RILPL1: variants seen among roughly 807,000 people sequenced by gnomAD.
The protein encoded by RILPL1 is Rab interacting lysosomal protein like 1, also known as RILP-like protein 1.
In RILPL1, 33 loss-of-function variants were observed where a neutral mutation model predicts 50.3. That is an observed-to-expected ratio of 0.66 (90% CI 0.50 to 0.88). The LOEUF is 0.88. Among genes scored for constraint, RILPL1 ranks in the 40% least tolerant of loss-of-function variants. The pLI, the probability that RILPL1 is intolerant of heterozygous loss-of-function variation, is 0.00. For missense variants in RILPL1, 418 were observed against 542.5 expected, an observed-to-expected ratio of 0.77 and a Z score of 2.28; for synonymous variants, 205 against 228.6, an observed-to-expected ratio of 0.90 and a Z score of 0.93.
At chr12:123,479,356 A>G (rs1456496149) in intron 6 of RILPL1, among the ~76,000 whole-genome samples, 1 of 152,116 alleles carries the variant, frequency 6.6e-6, no homozygotes, top group African/African-American at 2.4e-5. Context: ...GGGAAAAACC[A>G]GTTAACAGTG....
At chr12:123,493,672 C>T (rs117058062) in intron 4 of RILPL1, among the ~76,000 whole-genome samples, 1 of 152,148 alleles carries the variant, frequency 6.6e-6, no homozygotes, top group African/African-American at 2.4e-5. Context: ...ACATGCTGCA[C>T]GTTCTCCGGC....
intron 2 of RILPL1, among the ~76,000 whole-genome samples, chr12:123,503,599 C>T (rs931071622): frequency 3.9e-5 from 6 of 152,058 alleles, no homozygotes; most frequent in Non-Finnish European, 7.4e-5. Flanking sequence ...TCTGTGGTCC[C>T]GTGGCCTTCT....
At chr12:123,519,059 AAAAAAAAAAAAAAAAG>A (rs1468835921) in intron 2 of RILPL1, among the ~76,000 whole-genome samples, 1 of 140,530 alleles carries the variant, frequency 7.1e-6, no homozygotes, top group African/African-American at 2.5e-5. Flanking sequence ...TCCATCTCAA[AAAAAAAAAAAAAAAAG>A]AAAAGAAAAA....
chr12:123,518,164 C>T (rs1043895900), intron 2 of RILPL1, among the ~76,000 whole-genome samples: 2 of 152,010 alleles, frequency 1.3e-5, no homozygotes, highest in African/African-American at 4.8e-5. Context: ...GGCGGCTGCA[C>T]AAGACTGTGA....
In RILPL1 at chr12:123,491,250, G is replaced by A. The variant is rs970767502; in HGVS notation, c.802-5445C>T. On this transcript the variant is annotated intron_variant, in intron 4 of 6. Coordinates refer to ENST00000376874, the MANE Select transcript of RILPL1 (RefSeq NM_178314.5). The surrounding 1 kb of genome is among the most constrained non-coding windows in gnomAD (Gnocchi z 4.0). The stretch of plus-strand genomic sequence containing the variant: ...TGGTCCTCCTAGGCTTACTCCATGC[G>A]GGACCGGGAGGTGGCTCGGGTTAGC... Among the ~76,000 whole-genome samples the A allele has an allele frequency of 1.3e-5, 2 of 152,164 alleles. No individual in the cohort carries two copies. Among genetic ancestry groups the A allele is most frequent in the African/African-American group, 2.4e-5 (1 of 41,434 alleles).
At position 123,472,291 on chromosome 12, in the gene RILPL1, A is replaced by G. The variant is rs1219010865; in HGVS notation, c.*247T>C. The G allele has an allele frequency of 4.3e-6, 2 of 464,786 alleles. No homozygotes were observed. Among genetic ancestry groups the G allele is most frequent in the Non-Finnish European group, 7.7e-6 (2 of 259,550 alleles). 28.8% of individuals were successfully genotyped at this position (464,786 alleles called of 1,614,324 possible). On this transcript the variant is annotated 3_prime_UTR_variant, in exon 7 of 7. Coordinates refer to ENST00000376874, the MANE Select transcript of RILPL1 (RefSeq NM_178314.5). Reference sequence around the variant, plus strand: ...GCCTCCGTTTGTGGGATTATTAAATATATATCCTACGGGATCAGAGTCATC... The same window carrying G: ...GCCTCCGTTTGTGGGATTATTAAATGTATATCCTACGGGATCAGAGTCATC...
rs575641646 is a variant in RILPL1 at position 123,518,245 on chromosome 12, T to G, written c.460+5250A>C. The G allele has an allele frequency of 8.9e-6, 3 of 338,774 alleles. No homozygotes were observed. In the Admixed American group the frequency reaches 1.2e-4, roughly 13 times the overall value. The allele number at this position is 338,774 out of a possible 1,614,324, so 21.0% of individuals were successfully genotyped here. On this transcript the variant is annotated intron_variant, in intron 2 of 6. Coordinates refer to ENST00000376874, the MANE Select transcript of RILPL1 (RefSeq NM_178314.5). ...AGGGCCGGGTGCGGTTGCTCACACC[T>G]GTAATCCCAGCACTTTGGGACTCCA...
At chr12:123,480,364 A>C (rs529325265) in intron 6 of RILPL1, among the ~76,000 whole-genome samples, 1 of 151,832 alleles carries the variant, frequency 6.6e-6, no homozygotes, top group Non-Finnish European at 1.5e-5. Flanking sequence ...GGGTTTCACC[A>C]TGTAGGCCAC....
Position 123,485,549 on chromosome 12 carries a change from G to A in RILPL1, c.974+84C>T. The A allele has an allele frequency of 7.8e-7, 1 of 1,285,522 alleles. No homozygotes were observed. Among genetic ancestry groups the A allele is most frequent in the Non-Finnish European group, 1.1e-6 (1 of 918,450 alleles). The allele number at this position is 1,285,522 out of a possible 1,614,324, so 79.6% of individuals were successfully genotyped here. On this transcript the variant is annotated intron_variant, in intron 5 of 6. Coordinates refer to ENST00000376874, the MANE Select transcript of RILPL1 (RefSeq NM_178314.5). This position sits in a 1 kb window ranked among gnomAD's most constrained non-coding sequence, Gnocchi z 4.0. ...ACACTGATGAAATGCTTGTCTTCCAGGGGGTAAGAAGGTAACTGTACAGAA... is the reference window on the plus strand; with the variant it reads ...ACACTGATGAAATGCTTGTCTTCCAAGGGGTAAGAAGGTAACTGTACAGAA...
intron 4 of RILPL1, among the ~76,000 whole-genome samples, chr12:123,494,082 G>T (rs1882873213): frequency 2.0e-5 from 3 of 152,032 alleles, no homozygotes; most frequent in South Asian, 4.1e-4. Context: ...ACTGCGCCTG[G>T]CCCTGTCCCT....
Position 123,491,436 on chromosome 12 carries a change from T to A in RILPL1, c.802-5631A>T. ...GCCCAGAGGCCTTAGGGAGGCAGCA[T>A]CCTGGGTCAGGGCCTCCATCCCGAG... is the stretch of plus-strand genomic sequence containing the variant. On this transcript the variant is annotated intron_variant, in intron 4 of 6. Coordinates refer to ENST00000376874, the MANE Select transcript of RILPL1 (RefSeq NM_178314.5). This position sits in a 1 kb window ranked among gnomAD's most constrained non-coding sequence, Gnocchi z 4.0. Among the ~76,000 whole-genome samples, 1 of 152,174 alleles carries A rather than the reference T, an allele frequency of 6.6e-6. No homozygotes were observed. Among genetic ancestry groups the A allele is most frequent in the Non-Finnish European group, 1.5e-5 (1 of 68,022 alleles).
At chr12:123,503,797 C>T (rs974511886) in intron 2 of RILPL1, among the ~76,000 whole-genome samples, 2 of 151,612 alleles carry the variant, frequency 1.3e-5, no homozygotes, top group African/African-American at 2.4e-5. Flanking sequence ...GTCAGGAGAT[C>T]GAGACCATCC....
chr12:123,527,314 G>A (rs1325359470), intron 1 of RILPL1, among the ~76,000 whole-genome samples: 3 of 144,228 alleles, frequency 2.1e-5, no homozygotes, highest in Non-Finnish European at 4.6e-5. Flanking sequence ...CTGGGTGACA[G>A]AGCAAGACCC....
chr12:123,497,108 C>T (rs943346286), intron 4 of RILPL1, among the ~76,000 whole-genome samples: 2 of 152,218 alleles, frequency 1.3e-5, no homozygotes, highest in Admixed American at 6.5e-5. Context: ...CGTGCTGCCG[C>T]GTGGCCAGGG....
intron 2 of RILPL1, among the ~76,000 whole-genome samples, chr12:123,500,988 A>T (rs1261561857): frequency 6.6e-6 from 1 of 151,864 alleles, no homozygotes; most frequent in East Asian, 1.9e-4. Flanking sequence ...GGCACCTGTA[A>T]TCCCAGCTAC....
chr12:123,508,772 G>A (rs1259277196), intron 2 of RILPL1, among the ~76,000 whole-genome samples: 1 of 152,148 alleles, frequency 6.6e-6, no homozygotes, highest in Non-Finnish European at 1.5e-5. Flanking sequence ...GGGAGGACAA[G>A]GTAGGAGAAT....
At chr12:123,520,646 G>A (rs538100989) in intron 2 of RILPL1, among the ~76,000 whole-genome samples, 1 of 152,292 alleles carries the variant, frequency 6.6e-6, no homozygotes, top group East Asian at 1.9e-4. Context: ...GGTCCTCCAG[G>A]CCCAGGCTTA....
At chr12:123,476,726 A>T (rs1881616972) in intron 6 of RILPL1, among the ~76,000 whole-genome samples, 1 of 152,166 alleles carries the variant, frequency 6.6e-6, no homozygotes, top group Admixed American at 6.5e-5. Context: ...TGACGCCTTT[A>T]TCGTGGCCTT....
Position 123,499,630 on chromosome 12 carries a change from T to C in RILPL1, c.461-94A>G, listed in dbSNP as rs1014592974. ...GCTGAGGATGAAACTGAGGTCTTAG[T>C]GGCCCCCCGGCCTCCTCCCCAGCCT... is the stretch of plus-strand genomic sequence containing the variant. On this transcript the variant is annotated intron_variant, in intron 2 of 6. Coordinates refer to ENST00000376874, the MANE Select transcript of RILPL1 (RefSeq NM_178314.5). 21 of 960,240 alleles carry C rather than the reference T, an allele frequency of 2.2e-5. No homozygotes were observed. In the African/African-American group the frequency reaches 2.7e-4, roughly 12 times the overall value. 59.5% of individuals were successfully genotyped at this position (960,240 alleles called of 1,614,324 possible).
Sources: gnomAD v4.1 joint callset for allele counts (sites outside exome capture counted in the v4.1 genomes callset) on GRCh38, gnomAD v4.1.1 for gene constraint, Gnocchi (gnomAD v3.1) non-coding constraint, MANE v1.5 for transcripts, NCBI Gene and HGNC (gene_info 2026-07-23, HGNC 2026-07-21) for gene names.